The following PREX1 variants were observed in gnomAD, a reference collection of about 807,000 sequenced individuals.
The protein encoded by PREX1 is phosphatidylinositol-3,4,5-trisphosphate dependent Rac exchange factor 1.
PREX1 carries 41 observed loss-of-function variants against 198.3 expected under a neutral mutation model. That is an observed-to-expected ratio of 0.21 (90% CI 0.16 to 0.27). The LOEUF (loss-of-function observed/expected upper bound fraction) is 0.27. PREX1 is among the 10% of genes least tolerant of loss of function. PREX1 has a pLI of 1.00. For synonymous variants in PREX1, 843 were observed against 887.2 expected, an observed-to-expected ratio of 0.95 and a Z score of 0.89; for missense variants, 1,620 against 2,200.7, an observed-to-expected ratio of 0.74 and a Z score of 5.28.
At chr20:48,726,241 T>C in intron 5 of PREX1, 49 bp downstream of exon 5, 2 of 1,494,392 alleles carry the variant, frequency 1.3e-6, no homozygotes, top group South Asian at 2.3e-5. Context: ...TTTTATGTTA[T>C]GCTGAAGCCA....
chr20:48,710,701 G>A (rs1255399523), intron 5 of PREX1, among the ~76,000 whole-genome samples: 3 of 152,230 alleles, frequency 2.0e-5, no homozygotes, highest in Non-Finnish European at 4.4e-5. Flanking sequence ...AAGGGACAAT[G>A]AGTGAGGGAA....
At chr20:48,866,812 C>G in the PREX1 span, among the ~76,000 whole-genome samples, 1 of 152,062 alleles carries the variant, frequency 6.6e-6, no homozygotes, top group Non-Finnish European at 1.5e-5. Flanking sequence ...GCCTATGGTC[C>G]TAGCTACTTA....
the PREX1 span, among the ~76,000 whole-genome samples, chr20:48,874,938 C>T: frequency 6.6e-6 from 1 of 151,700 alleles, no homozygotes; most frequent in Non-Finnish European, 1.5e-5. Context: ...GCCTTGGGTA[C>T]CCATGGGGAG....
At chr20:48,662,511 A>T (rs1483991231) in intron 15 of PREX1, among the ~76,000 whole-genome samples, 1 of 152,202 alleles carries the variant, frequency 6.6e-6, no homozygotes, top group Non-Finnish European at 1.5e-5. Context: ...AAGAATAACA[A>T]CAGGACCAAC....
intron 14 of PREX1, among the ~76,000 whole-genome samples, chr20:48,668,485 C>G (rs1268009940): frequency 2.0e-5 from 3 of 152,204 alleles, no homozygotes; most frequent in African/African-American, 4.8e-5. Context: ...AAGAGAAAGC[C>G]ACAGGCACCA....
chr20:48,672,480 G>A (rs1243985619), intron 14 of PREX1, among the ~76,000 whole-genome samples: 3 of 152,252 alleles, frequency 2.0e-5, no homozygotes, highest in Non-Finnish European at 4.4e-5. Flanking sequence ...CAGGGGACCT[G>A]TCTGAACTGA....
At chr20:48,783,357 G>A (rs2090298468) in intron 1 of PREX1, among the ~76,000 whole-genome samples, 1 of 152,058 alleles carries the variant, frequency 6.6e-6, no homozygotes, top group Admixed American at 6.5e-5. Context: ...GAAGAATGGA[G>A]GTGCCATTAG....
the PREX1 span, among the ~76,000 whole-genome samples, chr20:48,872,108 G>A: frequency 1.2e-3 from 119 of 101,756 alleles, no homozygotes; most frequent in African/African-American, 3.9e-3. Flanking sequence ...GCAGTGAGCC[G>A]AGATCATGCC....
At position 48,700,738 on chromosome 20, in the gene PREX1, C is replaced by A. The variant is rs35913794; in HGVS notation, c.917+15G>T. The A allele has an allele frequency of 3.7e-6, 6 of 1,612,162 alleles. No individual in the cohort carries two copies. Among genetic ancestry groups the A allele is most frequent in the East Asian group, 2.2e-5 (1 of 44,890 alleles). On this transcript the variant is annotated intron_variant, in intron 7 of 39. Transcript: ENST00000371941. The stretch of plus-strand genomic sequence containing the variant: ...GCAGCAGGCCAGACCCCATCCCAGC[C>A]TCCTGGCCACTCACCTGGATTTCCG...
the PREX1 span, among the ~76,000 whole-genome samples, chr20:48,839,051 T>G: frequency 3.0e-4 from 36 of 118,204 alleles, no homozygotes; most frequent in African/African-American, 1.2e-3. Context: ...ATAACAAGAG[T>G]AGTTACATCT....
In PREX1 at chr20:48,625,664, C is replaced by T. The variant is rs922359657; in HGVS notation, c.*221G>A. On this transcript the variant is annotated 3_prime_UTR_variant, in exon 40 of 40. Transcript: ENST00000371941. ...CAGCACCCCTCCAGCTTCTGGCAGG[C>T]GTGTGAAGAATGGGCCGGCCCAGGG... The T allele has an allele frequency of 3.7e-5, 20 of 544,828 alleles. No homozygotes were observed. Among genetic ancestry groups the T allele is most frequent in the East Asian group, 2.2e-4 (6 of 27,828 alleles). The allele number at this position is 544,828 out of a possible 1,614,324, so 33.7% of individuals were successfully genotyped here. A position where few individuals can be genotyped will look rare whatever the true frequency, so the allele number is the denominator to read the frequency against.
Position 48,626,131 on chromosome 20 carries a change from A to G in PREX1, c.4938-204T>C, listed in dbSNP as rs1353297711. Among the ~76,000 whole-genome samples the G allele has an allele frequency of 2.0e-5, 3 of 152,216 alleles. No homozygotes were observed. In the East Asian group the frequency reaches 5.8e-4, roughly 29 times the overall value. On this transcript the variant is annotated intron_variant, in intron 39 of 39. Coordinates refer to ENST00000371941, the MANE Select transcript of PREX1 (RefSeq NM_020820.4). ...ACCCACAGGCAGTCTCTGCCCACTCAGAGACTGGCATTTACAAATGAAGAC... is the reference window on the plus strand; with the variant it reads ...ACCCACAGGCAGTCTCTGCCCACTCGGAGACTGGCATTTACAAATGAAGAC...
upstream of PREX1, among the ~76,000 whole-genome samples, chr20:48,832,523 G>A (rs1026642539): frequency 6.6e-6 from 1 of 152,182 alleles, no homozygotes; most frequent in African/African-American, 2.4e-5. Flanking sequence ...GTTCTCAAAA[G>A]TCAGACCAGC....
chr20:48,669,342 G>A (rs2089660321), intron 14 of PREX1, among the ~76,000 whole-genome samples: 1 of 152,032 alleles, frequency 6.6e-6, no homozygotes, highest in South Asian at 2.1e-4. Flanking sequence ...CTCAATAAAC[G>A]CTCACCAGTC....
chr20:48,686,571 G>T (rs976939622), intron 10 of PREX1, among the ~76,000 whole-genome samples: 1 of 152,056 alleles, frequency 6.6e-6, no homozygotes. Context: ...GCCCCAGGGG[G>T]CCCGGAAGCA....
chr20:48,764,623 A>G (rs146805554), intron 1 of PREX1, among the ~76,000 whole-genome samples: 111 of 152,118 alleles, frequency 7.3e-4, no homozygotes, highest in Non-Finnish European at 1.4e-3. Context: ...TCTCTAGTAA[A>G]AATTAAAAAA....
intron 1 of PREX1, among the ~76,000 whole-genome samples, chr20:48,783,454 T>C (rs1228650336): frequency 6.6e-6 from 1 of 152,110 alleles, no homozygotes; most frequent in African/African-American, 2.4e-5. Context: ...GGTGTTATTT[T>C]AGATCCAAGT....
the PREX1 span, among the ~76,000 whole-genome samples, chr20:48,849,838 A>T: frequency 1.3e-5 from 2 of 152,186 alleles, no homozygotes; most frequent in Admixed American, 6.5e-5. Context: ...AATGGTAAAT[A>T]GGTAGAATCT....
chr20:48,663,432 C>A (rs987583405), intron 15 of PREX1, among the ~76,000 whole-genome samples: 9 of 152,200 alleles, frequency 5.9e-5, no homozygotes, highest in African/African-American at 2.2e-4. Context: ...GAGGCTGAGG[C>A]AGGAGAATCA....
Sources: gnomAD v4.1 joint callset for allele counts (sites outside exome capture counted in the v4.1 genomes callset) on GRCh38, gnomAD v4.1.1 for gene constraint, MANE v1.5 for transcripts, NCBI Gene and HGNC (gene_info 2026-07-23, HGNC 2026-07-21) for gene names.